Variants in RCOR1 observed in about 807,000 individuals in gnomAD.
The protein encoded by RCOR1 is REST corepressor 1.
Under a neutral mutation model 64.0 loss-of-function variants are expected in RCOR1, and 12 were observed. The ratio of observed to expected loss-of-function variants is 0.19; its 90% CI spans 0.12 to 0.30. The LOEUF is 0.30. RCOR1 is among the 10% of genes least tolerant of loss of function. The pLI, the probability that RCOR1 is intolerant of heterozygous loss-of-function variation, is 1.00. For missense variants in RCOR1, 502 were observed against 621.2 expected (o/e 0.81, Z 2.04); for synonymous variants, 279 against 227.2 (o/e 1.23, Z -2.05).
At chr14:102,708,862 T>C (rs866230072) in intron 6 of RCOR1, among the ~76,000 whole-genome samples, 1 of 152,236 alleles carries the variant, frequency 6.6e-6, no homozygotes, top group African/African-American at 2.4e-5. Context: ...AAAGAATCTT[T>C]TATTTTGTAG....
chr14:102,638,129 A>T (rs1894285568), intron 2 of RCOR1, among the ~76,000 whole-genome samples: 1 of 152,216 alleles, frequency 6.6e-6, no homozygotes, highest in African/African-American at 2.4e-5. Flanking sequence ...CATTATAAAG[A>T]ACAGAAACCT....
At chr14:102,598,901 G>C (rs1335557197) in intron 2 of RCOR1, among the ~76,000 whole-genome samples, 6 of 152,038 alleles carry the variant, frequency 3.9e-5, no homozygotes, top group African/African-American at 1.4e-4. Flanking sequence ...AAACCTAAGT[G>C]CAGCCCTACA....
intron 8 of RCOR1, among the ~76,000 whole-genome samples, chr14:102,720,220 C>G (rs1052460618): frequency 6.6e-6 from 1 of 152,142 alleles, no homozygotes; most frequent in Admixed American, 6.5e-5. Flanking sequence ...TTCCCTGGTG[C>G]TTGACACGGA....
intron 2 of RCOR1, among the ~76,000 whole-genome samples, chr14:102,665,127 T>C (rs980820366): frequency 2.6e-5 from 4 of 152,046 alleles, no homozygotes; most frequent in African/African-American, 9.7e-5. Context: ...TGCCTCAGCC[T>C]CCCGAGTAGC....
At position 102,708,544 on chromosome 14, in the gene RCOR1, A is replaced by C. The variant is rs1428585399; in HGVS notation, c.740A>C (p.Asp247Ala). ...ACGAGGACTAAAACTAGTGTGATGG[A>C]TCGCCATGCCCGGAAACAAAAACGG... ...KKTRTKTSVM[D>A]RHARKQKRER... is the part of the protein sequence containing the mutation. The change falls in exon 6 of 12, where the codon GAT becomes GCT. Residue 247 changes from aspartate to alanine, a missense_variant. Transcript: ENST00000262241. 6.2e-7 allele frequency: 1 copy of C among 1,612,836 alleles called. No individual in the cohort carries two copies. The highest frequency in any genetic ancestry group is 1.1e-5 in the South Asian group (1 of 90,976).
chr14:102,630,944 C>T, intron 2 of RCOR1, among the ~76,000 whole-genome samples: 1 of 152,084 alleles, frequency 6.6e-6, no homozygotes, highest in Non-Finnish European at 1.5e-5. Context: ...TTCTTGGTTA[C>T]TGTGTAGTCT....
At chr14:102,650,377 A>AATGG (rs1190163490) in intron 2 of RCOR1, among the ~76,000 whole-genome samples, 3 of 32,406 alleles carry the variant, frequency 9.3e-5, no homozygotes, top group Non-Finnish European at 1.7e-4. Context: ...TGCTTCAATA[A>AATGG]ATGGATGGAT....
intron 1 of RCOR1, 37 bp from the exon 2 acceptor site, chr14:102,593,229 G>C (rs1469390993): frequency 1.3e-6 from 2 of 1,486,408 alleles, no homozygotes; most frequent in Non-Finnish European, 1.8e-6. Flanking sequence ...CCCGCGCCCC[G>C]CGCCGCGCTG....
At chr14:102,708,398 C>G in intron 5 of RCOR1, 67 bp from the exon 6 acceptor site, 1 of 956,900 alleles carries the variant, frequency 1.0e-6, no homozygotes, top group Non-Finnish European at 1.7e-6. Flanking sequence ...CTGCGCCCGG[C>G]CTTAAACATT....
At chr14:102,624,884 G>GT (rs1225255145) in intron 2 of RCOR1, among the ~76,000 whole-genome samples, 2 of 151,982 alleles carry the variant, frequency 1.3e-5, no homozygotes, top group African/African-American at 2.4e-5. Context: ...CTTCCCTTTT[G>GT]TTTTTTCTGG....
intron 3 of RCOR1, among the ~76,000 whole-genome samples, chr14:102,698,394 C>G (rs1259856010): frequency 6.6e-6 from 1 of 152,194 alleles, no homozygotes; most frequent in Non-Finnish European, 1.5e-5. Context: ...TCCTGCATCA[C>G]TTTTTCAGCC....
intron 3 of RCOR1, among the ~76,000 whole-genome samples, chr14:102,693,016 T>C (rs569751112): frequency 1.3e-3 from 204 of 152,282 alleles, no homozygotes; most frequent in African/African-American, 4.9e-3. Context: ...TTGACCTGCC[T>C]CAGCCTCTCA....
chr14:102,646,963 A>G (rs1894488129), intron 2 of RCOR1, among the ~76,000 whole-genome samples: 2 of 152,250 alleles, frequency 1.3e-5, no homozygotes, highest in African/African-American at 2.4e-5. Flanking sequence ...GGAATACTTT[A>G]GAGTTAATGG....
intron 8 of RCOR1, among the ~76,000 whole-genome samples, chr14:102,719,349 C>A (rs934458527): frequency 6.6e-6 from 1 of 152,084 alleles, no homozygotes; most frequent in African/African-American, 2.4e-5. Context: ...TGTGCTGCAC[C>A]CACTTCGTCA....
At chr14:102,600,824 C>T (rs1020987926) in intron 2 of RCOR1, among the ~76,000 whole-genome samples, 9 of 151,482 alleles carry the variant, frequency 5.9e-5, no homozygotes, top group Non-Finnish European at 8.8e-5. Flanking sequence ...CCCGTCTTGG[C>T]CTCCCAAAGT....
At chr14:102,613,935 CAG>C (rs1243422137) in intron 2 of RCOR1, among the ~76,000 whole-genome samples, 1 of 137,704 alleles carries the variant, frequency 7.3e-6, no homozygotes, top group Non-Finnish European at 1.5e-5. Flanking sequence ...TGTTGTTGCC[CAG>C]GCTGGAGTGC....
intron 4 of RCOR1, 27 bp downstream of exon 4, chr14:102,701,357 C>G: frequency 6.5e-7 from 1 of 1,532,430 alleles, no homozygotes; most frequent in South Asian, 1.3e-5. Context: ...CTTTCTTTTG[C>G]TGTTAAAAAA....
At chr14:102,628,263 C>T (rs565644481) in intron 2 of RCOR1, among the ~76,000 whole-genome samples, 18 of 152,270 alleles carry the variant, frequency 1.2e-4, no homozygotes, top group African/African-American at 2.4e-4. Flanking sequence ...TTCATTTTAT[C>T]TGAAAGCACT....
intron 3 of RCOR1, among the ~76,000 whole-genome samples, chr14:102,684,314 G>A (rs934560818): frequency 5.9e-5 from 9 of 152,132 alleles, no homozygotes; most frequent in East Asian, 1.9e-4. Flanking sequence ...ACTTTGTCAC[G>A]GAAGGGCTTC....
Sources: gnomAD v4.1 joint callset for allele counts (sites outside exome capture counted in the v4.1 genomes callset) on GRCh38, gnomAD v4.1.1 for gene constraint, MANE v1.5 for transcripts, NCBI Gene and HGNC (gene_info 2026-07-23, HGNC 2026-07-21) for gene names.